ALK: variants seen among roughly 807,000 people sequenced by gnomAD.
ALK encodes ALK receptor tyrosine kinase.
ALK carries 74 observed loss-of-function variants against 163.1 expected under a neutral mutation model. That is an observed-to-expected ratio of 0.45 (90% confidence interval 0.38 to 0.55). ALK has a LOEUF of 0.55. ALK is among the 20% of genes least tolerant of loss of function. ALK has a pLI of 0.00. For missense variants in ALK, 2,063 were observed against 2,105.3 expected (o/e 0.98, Z 0.39); for synonymous variants, 960 against 843.2 (o/e 1.14, Z -2.40).
At chr2:29,582,921 A>G (rs1674757103) in intron 3 of ALK, among the ~76,000 whole-genome samples, 1 of 146,962 alleles carries the variant, frequency 6.8e-6, no homozygotes, top group Admixed American at 6.9e-5. Flanking sequence ...GGAGTGTGGT[A>G]GTATGATCTC....
chr2:29,721,436 C>T (rs975410179), intron 1 of ALK, among the ~76,000 whole-genome samples: 7 of 152,158 alleles, frequency 4.6e-5, no homozygotes, highest in Admixed American at 1.3e-4. Context: ...CAGGATGGCC[C>T]GGGAATCCCA....
chr2:29,502,229 C>T (rs1672207352), intron 4 of ALK, among the ~76,000 whole-genome samples: 1 of 152,282 alleles, frequency 6.6e-6, no homozygotes, highest in Non-Finnish European at 1.5e-5. Context: ...CACAACTTCT[C>T]TAATGCGAGT....
intron 1 of ALK, among the ~76,000 whole-genome samples, chr2:29,815,763 C>A (rs1664879803): frequency 6.6e-6 from 1 of 152,202 alleles, no homozygotes; most frequent in Admixed American, 6.5e-5. Context: ...TGTCCTCCAA[C>A]TTCTGCTACC....
intron 3 of ALK, among the ~76,000 whole-genome samples, chr2:29,654,002 G>A (rs1677107525): frequency 6.6e-6 from 1 of 152,154 alleles, no homozygotes; most frequent in African/African-American, 2.4e-5. Context: ...AGGTTGCGGT[G>A]AGCTGAGATG....
At chr2:29,334,271 G>T (rs182175670) in intron 5 of ALK, among the ~76,000 whole-genome samples, 5 of 152,294 alleles carry the variant, frequency 3.3e-5, no homozygotes, top group African/African-American at 1.2e-4. Context: ...ACTTGAAGGG[G>T]GAGGTGTCAA....
chr2:29,250,615 G>A (rs1356839750), intron 12 of ALK, among the ~76,000 whole-genome samples: 1 of 152,140 alleles, frequency 6.6e-6, no homozygotes, highest in Non-Finnish European at 1.5e-5. Flanking sequence ...CTGCTCTAAG[G>A]GAATACTGGG....
chr2:29,695,508 C>CAT (rs926268718), intron 2 of ALK, among the ~76,000 whole-genome samples: 6 of 152,170 alleles, frequency 3.9e-5, no homozygotes, highest in Admixed American at 3.9e-4. Context: ...GGTGGTAAAA[C>CAT]ATACTGCCTA....
At chr2:29,677,124 T>G (rs922665218) in intron 3 of ALK, among the ~76,000 whole-genome samples, 2 of 151,830 alleles carry the variant, frequency 1.3e-5, no homozygotes, top group Non-Finnish European at 2.9e-5. Flanking sequence ...ATCTGTATGT[T>G]TTTAGTTCCC....
intron 4 of ALK, among the ~76,000 whole-genome samples, chr2:29,501,490 C>T (rs532731776): frequency 3.1e-4 from 47 of 152,178 alleles, no homozygotes; most frequent in Non-Finnish European, 4.3e-4. Flanking sequence ...CCACTCTTCC[C>T]GTGGCCTCCT....
intron 8 of ALK, among the ~76,000 whole-genome samples, chr2:29,312,631 G>A (rs896869204): frequency 1.3e-5 from 2 of 152,192 alleles, no homozygotes; most frequent in African/African-American, 4.8e-5. Flanking sequence ...AGCCAGAGGA[G>A]CCCTGTGCTT....
chr2:29,340,417 C>T (rs977940193), intron 5 of ALK, among the ~76,000 whole-genome samples: 4 of 152,074 alleles, frequency 2.6e-5, no homozygotes, highest in African/African-American at 9.7e-5. Flanking sequence ...GGGTAGTGGC[C>T]CCTTGAGACA....
intron 4 of ALK, among the ~76,000 whole-genome samples, chr2:29,456,964 C>T (rs1350700765): frequency 6.6e-6 from 1 of 152,142 alleles, no homozygotes; most frequent in African/African-American, 2.4e-5. Flanking sequence ...AATAGAACGA[C>T]ATTTCTACTG....
chr2:29,255,100 G>A (rs904073091), intron 11 of ALK, among the ~76,000 whole-genome samples: 8 of 152,204 alleles, frequency 5.3e-5, no homozygotes, highest in African/African-American at 1.7e-4. Flanking sequence ...GGTGGTCCTC[G>A]CTGCCTTGGA....
At chr2:29,867,948 T>C (rs561499180) in intron 1 of ALK, among the ~76,000 whole-genome samples, 1 of 152,288 alleles carries the variant, frequency 6.6e-6, no homozygotes, top group African/African-American at 2.4e-5. Context: ...TGACCTCATT[T>C]CCATTGGAAG....
At chr2:29,791,237 C>G (rs970054546) in intron 1 of ALK, among the ~76,000 whole-genome samples, 1 of 152,116 alleles carries the variant, frequency 6.6e-6, no homozygotes, top group Non-Finnish European at 1.5e-5. Context: ...ACCCAAATGC[C>G]CATCAATGAT....
chr2:29,426,467 A>G (rs1670137464), intron 4 of ALK, among the ~76,000 whole-genome samples: 2 of 152,356 alleles, frequency 1.3e-5, no homozygotes, highest in South Asian at 4.1e-4. Flanking sequence ...CTGCCTTCTC[A>G]TCAGAAACAA....
At chr2:29,692,443 C>T (rs779330605) in intron 3 of ALK, among the ~76,000 whole-genome samples, 17 of 152,196 alleles carry the variant, frequency 1.1e-4, no homozygotes, top group South Asian at 6.2e-4. Context: ...AATTTTTCCA[C>T]GGATGGTTTT....
intron 3 of ALK, among the ~76,000 whole-genome samples, chr2:29,607,918 A>G (rs2148219250): frequency 6.6e-6 from 1 of 152,180 alleles, no homozygotes; most frequent in South Asian, 2.1e-4. Flanking sequence ...TAAGTCTTAT[A>G]AAAATAATTA....
intron 1 of ALK, among the ~76,000 whole-genome samples, chr2:29,731,738 A>G (rs1284859519): frequency 6.6e-6 from 1 of 152,248 alleles, no homozygotes; most frequent in Non-Finnish European, 1.5e-5. Flanking sequence ...TATTTTCATT[A>G]GGACAATAGC....
Sources: gnomAD v4.1 joint callset for allele counts (sites outside exome capture counted in the v4.1 genomes callset) on GRCh38, gnomAD v4.1.1 for gene constraint, MANE v1.5 for transcripts, NCBI Gene and HGNC (gene_info 2026-07-23, HGNC 2026-07-21) for gene names.